The following GPR39 variants were observed in gnomAD, a reference collection of about 807,000 sequenced individuals.
GPR39 encodes zinc sensing receptor.
In GPR39, 23 loss-of-function variants were observed where a neutral mutation model predicts 18.4. The ratio of observed to expected loss-of-function variants is 1.25; its 90% CI spans 0.90 to 1.77. The LOEUF (loss-of-function observed/expected upper bound fraction) is 1.77, where lower values mean the gene tolerates loss of function less well. Among genes scored for constraint, GPR39 ranks in the 40% most tolerant of loss-of-function variants. GPR39 has a pLI of 0.00. For synonymous variants in GPR39, 280 were observed against 257.9 expected (o/e 1.09, Z -0.82); for missense variants, 647 against 602.4 (o/e 1.07, Z -0.78).
At chr2:132,547,008 G>C (rs1357474708) in intron 1 of GPR39, among the ~76,000 whole-genome samples, 3 of 152,074 alleles carry the variant, frequency 2.0e-5, no homozygotes, top group Non-Finnish European at 4.4e-5. Context: ...TTTTCAAAAA[G>C]TGGTCCTTGG....
At chr2:132,540,303 T>C (rs949360751) in intron 1 of GPR39, among the ~76,000 whole-genome samples, 1 of 152,122 alleles carries the variant, frequency 6.6e-6, no homozygotes, top group Non-Finnish European at 1.5e-5. Context: ...GAAGGCAGCA[T>C]GAGCCCCAGG....
At chr2:132,429,516 T>G (rs896313022) in intron 1 of GPR39, among the ~76,000 whole-genome samples, 1 of 152,220 alleles carries the variant, frequency 6.6e-6, no homozygotes, top group Non-Finnish European at 1.5e-5. Flanking sequence ...GAGTGCAGCA[T>G]GTGGCCTGGG....
intron 1 of GPR39, among the ~76,000 whole-genome samples, chr2:132,435,482 CTGTT>C (rs773340656): frequency 4.1e-4 from 63 of 152,106 alleles, no homozygotes; most frequent in Non-Finnish European, 5.0e-4. Context: ...TGTTAATCGA[CTGTT>C]TGTTATTGGT....
intron 1 of GPR39, among the ~76,000 whole-genome samples, chr2:132,439,259 A>C (rs562137417): frequency 1.2e-3 from 176 of 152,346 alleles, no homozygotes; most frequent in African/African-American, 4.1e-3. Flanking sequence ...TGAGCAACTA[A>C]TTCTTTATTT....
chr2:132,569,162 C>T (rs571906138), intron 1 of GPR39, among the ~76,000 whole-genome samples: 1 of 152,184 alleles, frequency 6.6e-6, no homozygotes, highest in Non-Finnish European at 1.5e-5. Flanking sequence ...GGTATATTTA[C>T]TCTCCTTATG....
At chr2:132,584,712 C>G (rs1434793571) in intron 1 of GPR39, among the ~76,000 whole-genome samples, 4 of 152,108 alleles carry the variant, frequency 2.6e-5, no homozygotes, top group Admixed American at 1.3e-4. Context: ...GAAAAAAACA[C>G]CGTTTCGAAA....
intron 1 of GPR39, among the ~76,000 whole-genome samples, chr2:132,579,876 G>A (rs1680594503): frequency 6.6e-6 from 1 of 152,156 alleles, no homozygotes; most frequent in Non-Finnish European, 1.5e-5. Context: ...GGTTCCAAGA[G>A]GAAAATGAGG....
At chr2:132,464,037 T>A (rs1006637396) in intron 1 of GPR39, among the ~76,000 whole-genome samples, 1 of 152,216 alleles carries the variant, frequency 6.6e-6, no homozygotes, top group Non-Finnish European at 1.5e-5. Context: ...ACTCACACAG[T>A]GTCACTTCTG....
intron 1 of GPR39, among the ~76,000 whole-genome samples, chr2:132,495,068 A>G (rs1314580366): frequency 2.0e-5 from 3 of 152,156 alleles, no homozygotes; most frequent in East Asian, 3.9e-4. Flanking sequence ...CACATCAAAG[A>G]CACTAGGAAG....
At chr2:132,469,747 C>T in intron 1 of GPR39, among the ~76,000 whole-genome samples, 1 of 152,202 alleles carries the variant, frequency 6.6e-6, no homozygotes. Context: ...GGGCCCATTA[C>T]TGTTAATAGG....
In GPR39 at chr2:132,646,288, A is replaced by G. The variant is rs1682072900; in HGVS notation, c.*682A>G. 6.8e-7 allele frequency: 1 copy of G among 1,476,384 alleles called. No homozygotes were observed. Among genetic ancestry groups the G allele is most frequent in the Admixed American group, 2.3e-5 (1 of 43,332 alleles). 91.5% of individuals were successfully genotyped at this position (1,476,384 alleles called of 1,614,324 possible). A position where few individuals can be genotyped will look rare whatever the true frequency, so the allele number is the denominator to read the frequency against. Reference sequence around the variant, plus strand: ...ACTTGCGGTACATGATCCCTGTAACACAGACCCAAAGGAGCTGAGTTAACG... The same window carrying G: ...ACTTGCGGTACATGATCCCTGTAACGCAGACCCAAAGGAGCTGAGTTAACG... On this transcript the variant is annotated 3_prime_UTR_variant, in exon 2 of 2. Transcript: ENST00000329321.
chr2:132,626,898 A>G (rs1234956526), intron 1 of GPR39, among the ~76,000 whole-genome samples: 4 of 152,224 alleles, frequency 2.6e-5, no homozygotes, highest in Non-Finnish European at 4.4e-5. Context: ...GGTAGATCCT[A>G]TTTTAGGATT....
intron 1 of GPR39, among the ~76,000 whole-genome samples, chr2:132,565,356 A>G (rs948600765): frequency 6.7e-6 from 1 of 149,854 alleles, no homozygotes; most frequent in Non-Finnish European, 1.5e-5. Flanking sequence ...CCTTTGTCTC[A>G]TTTAGATTCT....
chr2:132,532,322 C>A (rs947339675), intron 1 of GPR39, among the ~76,000 whole-genome samples: 1 of 152,098 alleles, frequency 6.6e-6, no homozygotes, highest in Non-Finnish European at 1.5e-5. Flanking sequence ...GATAGACCAA[C>A]AACAGGCTCT....
intron 1 of GPR39, among the ~76,000 whole-genome samples, chr2:132,441,210 A>T (rs1223616034): frequency 6.6e-6 from 1 of 152,162 alleles, no homozygotes; most frequent in Non-Finnish European, 1.5e-5. Flanking sequence ...CTCCCAGAAC[A>T]GGAAATGAGA....
At chr2:132,636,144 T>C (rs1337802237) in intron 1 of GPR39, among the ~76,000 whole-genome samples, 2 of 152,246 alleles carry the variant, frequency 1.3e-5, no homozygotes, top group Non-Finnish European at 2.9e-5. Flanking sequence ...TCTATAGCAG[T>C]AACAAGAAGT....
At chr2:132,634,615 T>C (rs4954349) in intron 1 of GPR39, among the ~76,000 whole-genome samples, 150,137 of 152,316 alleles carry the variant, frequency 0.99, 74,002 homozygotes, top group East Asian at 1. Context: ...TCAAAATGGC[T>C]TCCATGCTTC....
At chr2:132,640,207 AC>A (rs1426310505) in intron 1 of GPR39, among the ~76,000 whole-genome samples, 6 of 152,228 alleles carry the variant, frequency 3.9e-5, no homozygotes. Context: ...CATCAATGCC[AC>A]CATGTCCCAG....
At chr2:132,569,835 A>C (rs1208234893) in intron 1 of GPR39, among the ~76,000 whole-genome samples, 1 of 152,120 alleles carries the variant, frequency 6.6e-6, no homozygotes, top group East Asian at 1.9e-4. Context: ...ATGAGATCTG[A>C]TGGTTTTAAA....
Sources: allele counts gnomAD v4.1 joint callset (sites outside exome capture counted in the v4.1 genomes callset), GRCh38; gene constraint gnomAD v4.1.1; transcripts MANE v1.5; gene names NCBI Gene and HGNC (gene_info 2026-07-23, HGNC 2026-07-21).